GPR141: variants seen among roughly 807,000 people sequenced by gnomAD.
GPR141 encodes the protein probable G protein-coupled receptor 141.
In GPR141, 6 loss-of-function variants were observed where a neutral mutation model predicts 6.8. The ratio of observed to expected loss-of-function variants is 0.88; its 90% CI spans 0.48 to 1.74. The LOEUF (loss-of-function observed/expected upper bound fraction) is 1.74, where lower values mean the gene tolerates loss of function less well. Ranked by LOEUF, GPR141 falls within the 40% of genes most tolerant of loss-of-function variation. The pLI, the probability that GPR141 is intolerant of heterozygous loss-of-function variation, is 0.01. For synonymous variants in GPR141, 140 were observed against 142.3 expected, an observed-to-expected ratio of 0.98 and a Z score of 0.11; for missense variants, 372 against 372.9, an observed-to-expected ratio of 1.00 and a Z score of 0.02.
intron 2 of GPR141, among the ~76,000 whole-genome samples, chr7:37,730,418 T>C (rs1305378733): frequency 6.6e-6 from 1 of 152,204 alleles, no homozygotes; most frequent in Non-Finnish European, 1.5e-5. Context: ...GTCCCAAAGC[T>C]CAGGACAAAT....
chr7:37,702,167 C>T (rs1810304798), intron 2 of GPR141, among the ~76,000 whole-genome samples: 1 of 152,094 alleles, frequency 6.6e-6, no homozygotes, highest in Admixed American at 6.5e-5. Context: ...AATTTTTAGA[C>T]ATAAAGTCTG....
intron 2 of GPR141, among the ~76,000 whole-genome samples, chr7:37,728,991 C>T (rs772008656): frequency 4.6e-5 from 7 of 152,178 alleles, no homozygotes; most frequent in South Asian, 4.2e-4. Context: ...AGTTGTTTAG[C>T]TGTACATTTG....
At chr7:37,722,963 C>CTTCCTTCT (rs1811417431) in intron 2 of GPR141, among the ~76,000 whole-genome samples, 1 of 135,140 alleles carries the variant, frequency 7.4e-6, no homozygotes, top group Non-Finnish European at 1.6e-5. Context: ...TCCTTCCTTC[C>CTTCCTTCT]TTCCTTCCTT....
intron 2 of GPR141, among the ~76,000 whole-genome samples, chr7:37,738,479 A>G (rs1197378894): frequency 6.6e-6 from 1 of 152,180 alleles, no homozygotes; most frequent in Non-Finnish European, 1.5e-5. Context: ...ACAAGGAAAA[A>G]TAAAAGGCAA....
intron 2 of GPR141, among the ~76,000 whole-genome samples, chr7:37,718,086 A>G (rs1583554248): frequency 6.6e-6 from 1 of 151,970 alleles, no homozygotes; most frequent in Admixed American, 6.6e-5. Context: ...TCAGCAAAGT[A>G]TTTGGTGTTT....
chr7:37,719,333 T>C (rs1484099890), intron 2 of GPR141, among the ~76,000 whole-genome samples: 2 of 152,220 alleles, frequency 1.3e-5, no homozygotes, highest in African/African-American at 2.4e-5. Flanking sequence ...TCATCTTGTC[T>C]GACCATCAGA....
intron 2 of GPR141, among the ~76,000 whole-genome samples, chr7:37,695,071 A>G (rs184468867): frequency 6.6e-6 from 1 of 152,278 alleles, no homozygotes; most frequent in East Asian, 1.9e-4. Flanking sequence ...AGGTTTCCCT[A>G]GGAGGGATTG....
intron 2 of GPR141, among the ~76,000 whole-genome samples, chr7:37,698,682 A>G (rs567177282): frequency 6.6e-6 from 1 of 152,132 alleles, no homozygotes; most frequent in Non-Finnish European, 1.5e-5. Context: ...TGGCCCAATG[A>G]CCTTGTTTTT....
In GPR141 at chr7:37,740,734, A is replaced by T. The variant is rs775140156; in HGVS notation, c.341A>T (p.Tyr114Phe). ...TATGTGGTGATCCTGGTCACCAGATACCTCATCTTCTTCAAGTGCAAAGAC... is the reference window on the plus strand; with the variant it reads ...TATGTGGTGATCCTGGTCACCAGATTCCTCATCTTCTTCAAGTGCAAAGAC... ...LFYVVILVTRYLIFFKCKDKV... is the reference protein window; with the variant it reads ...LFYVVILVTRFLIFFKCKDKV... The change falls in exon 3 of 3, where the codon TAC becomes TTC. Residue 114 changes from tyrosine (Y) to phenylalanine (F), a missense_variant. Physicochemically the swap from Tyr to Phe is conservative, Grantham distance 22 (BLOSUM62 3). Transcript: ENST00000334425. The T allele has an allele frequency of 1.2e-6, 2 of 1,614,004 alleles. No individual in the cohort carries two copies. Among genetic ancestry groups the T allele is most frequent in the South Asian group, 2.2e-5 (2 of 91,080 alleles).
chr7:37,737,300 A>C (rs1812290370), intron 2 of GPR141, among the ~76,000 whole-genome samples: 2 of 152,162 alleles, frequency 1.3e-5, no homozygotes, highest in African/African-American at 4.8e-5. Flanking sequence ...TCTTTGATAC[A>C]GTATAACAAC....
In GPR141 at chr7:37,742,621, T is replaced by C. The variant is rs142201726; in HGVS notation, c.*1310T>C. On this transcript the variant is annotated 3_prime_UTR_variant, in exon 3 of 3. Transcript: ENST00000334425. Reference sequence around the variant, plus strand: ...TTTTGAGAAGTATATAGAAAAACCATTAATTTAGACTCTGTGAGATTAGGT... The same window carrying C: ...TTTTGAGAAGTATATAGAAAAACCACTAATTTAGACTCTGTGAGATTAGGT... 6.6e-6 allele frequency among the ~76,000 whole-genome samples: 1 copy of C among 152,292 alleles called. No homozygotes were observed. Among genetic ancestry groups the C allele is most frequent in the East Asian group, 1.9e-4 (1 of 5,188 alleles).
Position 37,743,458 on chromosome 7 carries a change from AT to A in GPR141, c.*2153del, listed in dbSNP as rs1343784389. Among the ~76,000 whole-genome samples the A allele has an allele frequency of 5.3e-5, 8 of 150,808 alleles. No individual in the cohort carries two copies. Among genetic ancestry groups the A allele is most frequent in the African/African-American group, 1.2e-4 (5 of 41,076 alleles). ...GCCTTTTTTCCCATTTATTTTTTAC[AT>A]TTTTTCTTTCTCATTTTGAACCATA... On this transcript the variant is annotated 3_prime_UTR_variant, in exon 3 of 3. Coordinates refer to ENST00000334425, the MANE Select transcript of GPR141 (RefSeq NM_001381946.1).
intron 2 of GPR141, among the ~76,000 whole-genome samples, chr7:37,690,028 T>C (rs1468871150): frequency 1.3e-5 from 2 of 152,172 alleles, no homozygotes; most frequent in Non-Finnish European, 2.9e-5. Context: ...TAGGCATTTA[T>C]TTTTACAAAC....
chr7:37,711,241 A>G (rs946451622), intron 2 of GPR141, among the ~76,000 whole-genome samples: 11 of 152,150 alleles, frequency 7.2e-5, no homozygotes, highest in Admixed American at 7.2e-4. Flanking sequence ...GCCTCACCCC[A>G]GAGACTCTGT....
intron 2 of GPR141, among the ~76,000 whole-genome samples, chr7:37,703,065 C>T (rs1002627168): frequency 1.3e-5 from 2 of 151,898 alleles, no homozygotes; most frequent in African/African-American, 4.8e-5. Context: ...TAAGGGTAAA[C>T]CGGTAGTATT....
intron 2 of GPR141, among the ~76,000 whole-genome samples, chr7:37,739,071 A>G (rs1812401312): frequency 6.6e-6 from 1 of 152,110 alleles, no homozygotes; most frequent in African/African-American, 2.4e-5. Context: ...ACACCTCAAA[A>G]TGTTTTGCCC....
chr7:37,704,642 T>A (rs1465322895), intron 2 of GPR141, among the ~76,000 whole-genome samples: 1 of 152,114 alleles, frequency 6.6e-6, no homozygotes, highest in Non-Finnish European at 1.5e-5. Context: ...CTAAATCATA[T>A]CAGTGTGGTC....
At chr7:37,692,630 C>T (rs938288225) in intron 2 of GPR141, among the ~76,000 whole-genome samples, 9 of 152,156 alleles carry the variant, frequency 5.9e-5, no homozygotes, top group African/African-American at 1.7e-4. Flanking sequence ...TAAAAGCATA[C>T]GTATTTCTCC....
Position 37,740,854 on chromosome 7 carries a change from G to A in GPR141, c.461G>A (p.Arg154Gln), listed in dbSNP as rs374675345. 34 of 1,613,940 alleles carry A rather than the reference G, an allele frequency of 2.1e-5. No individual in the cohort carries two copies. Among genetic ancestry groups the A allele is most frequent in the African/African-American group, 2.7e-5 (2 of 74,918 alleles). ...ATTGTGGTACCCCTGGTTGTCTCCC[G>A]GTATGGAATCCATGAGGAATACAAT... is the stretch of plus-strand genomic sequence containing the variant. ...IVIVVPLVVS[R>Q]YGIHEEYNEE... The change falls in exon 3 of 3, where the codon CGG becomes CAG. Residue 154 changes from arginine (R) to glutamine (Q), a missense_variant. Physicochemically the swap from Arg to Gln is conservative, Grantham distance 43. Transcript: ENST00000334425.
Sources: gnomAD v4.1 joint callset for allele counts (sites outside exome capture counted in the v4.1 genomes callset) on GRCh38, gnomAD v4.1.1 for gene constraint, MANE v1.5 for transcripts, NCBI Gene and HGNC (gene_info 2026-07-23, HGNC 2026-07-21) for gene names.